Variants in GRK5 observed in about 807,000 individuals in gnomAD.
GRK5 encodes the protein g protein-coupled receptor kinase GRK5.
Under a neutral mutation model 78.4 loss-of-function variants are expected in GRK5, and 40 were observed. The ratio of observed to expected loss-of-function variants is 0.51; its 90% CI spans 0.40 to 0.66. The LOEUF (loss-of-function observed/expected upper bound fraction) is 0.66, where lower values mean the gene tolerates loss of function less well. Among genes scored for constraint, GRK5 ranks in the 30% least tolerant of loss-of-function variants. The pLI is 0.00. For missense variants in GRK5, 598 were observed against 759.9 expected, an observed-to-expected ratio of 0.79 and a Z score of 2.50; for synonymous variants, 289 against 296.8, an observed-to-expected ratio of 0.97 and a Z score of 0.27.
intron 1 of GRK5, among the ~76,000 whole-genome samples, chr10:119,317,170 C>T (rs1366711767): frequency 6.6e-6 from 1 of 152,094 alleles, no homozygotes; most frequent in Non-Finnish European, 1.5e-5. Flanking sequence ...AGGAGTCTGC[C>T]CCAGAGGAGT....
chr10:119,302,593 C>G (rs895236051), intron 1 of GRK5, among the ~76,000 whole-genome samples: 2 of 152,228 alleles, frequency 1.3e-5, no homozygotes, highest in Non-Finnish European at 2.9e-5. Flanking sequence ...ACCTGCTCCC[C>G]AGGGCACCTT....
intron 1 of GRK5, among the ~76,000 whole-genome samples, chr10:119,273,274 G>T (rs1457843487): frequency 6.6e-6 from 1 of 152,190 alleles, no homozygotes; most frequent in Non-Finnish European, 1.5e-5. Flanking sequence ...CTGTTCTGAG[G>T]CTGGTGGTGT....
intron 3 of GRK5, among the ~76,000 whole-genome samples, chr10:119,394,149 T>C (rs1253809578): frequency 2.6e-5 from 2 of 77,074 alleles, no homozygotes; most frequent in Non-Finnish European, 5.5e-5. Context: ...TGTGGGTATG[T>C]GTGTCTGTGT....
At chr10:119,334,565 G>A (rs971180177) in intron 2 of GRK5, 12 of 152,146 alleles carry the variant, frequency 7.9e-5, no homozygotes, top group Non-Finnish European at 1.5e-4. Context: ...TTGGAAGGCT[G>A]GAATGTCATC....
intron 2 of GRK5, among the ~76,000 whole-genome samples, chr10:119,359,823 C>T (rs1441489155): frequency 6.6e-6 from 1 of 152,094 alleles, no homozygotes; most frequent in African/African-American, 2.4e-5. Context: ...CAGTGATGTT[C>T]CCGGGGGGGA....
chr10:119,397,164 G>A (rs1394700252), intron 4 of GRK5, among the ~76,000 whole-genome samples: 1 of 152,242 alleles, frequency 6.6e-6, no homozygotes, highest in Non-Finnish European at 1.5e-5. Context: ...GGAAGTGTTG[G>A]GGGTTGACTG....
intron 2 of GRK5, among the ~76,000 whole-genome samples, chr10:119,364,122 G>T (rs370931268): frequency 6.6e-6 from 1 of 152,154 alleles, no homozygotes; most frequent in Non-Finnish European, 1.5e-5. Context: ...AGTGTAGGGC[G>T]CAAAGCAGGG....
In GRK5 at chr10:119,448,096, G is replaced by T. The variant is rs764501921; in HGVS notation, c.1267-27G>T. The T allele has an allele frequency of 3.3e-6, 5 of 1,518,848 alleles. No homozygotes were observed. The South Asian group carries it at 5.2e-5, about 16-fold the overall frequency. The allele number at this position is 1,518,848 out of a possible 1,614,324, so 94.1% of individuals were successfully genotyped here. A position where few individuals can be genotyped will look rare whatever the true frequency, so the allele number is the denominator to read the frequency against. On this transcript the variant is annotated intron_variant, in intron 12 of 15. Transcript: ENST00000392870. ...GGACAGGAGGAGAGGCCCAGGGGAC[G>T]TGGCTTCATGGGGCTCTCTGTTTCA...
At chr10:119,215,611 T>C (rs1848558760) in intron 1 of GRK5, among the ~76,000 whole-genome samples, 1 of 142,134 alleles carries the variant, frequency 7.0e-6, no homozygotes, top group African/African-American at 2.6e-5. Flanking sequence ...GAAATTCAGG[T>C]CAGGGACAAT....
chr10:119,420,572 C>CT lies in GRK5; in HGVS notation c.340-2582dup, dbSNP rs534550170. Among the ~76,000 whole-genome samples the CT allele has an allele frequency of 4.4e-3, 637 of 143,270 alleles. 3 individuals are homozygous for CT. Among genetic ancestry groups the CT allele is most frequent in the African/African-American group, 0.013 (508 of 39,340 alleles). 94.0% of individuals were successfully genotyped at this position (143,270 alleles called of 152,430 possible). ...TTTTTTCTTTTTTTTCTTTTTCTTTCTTTTTTTTTTTTCTTTTTTCTTTTG... is the reference window on the plus strand; with the variant it reads ...TTTTTTCTTTTTTTTCTTTTTCTTTCTTTTTTTTTTTTTCTTTTTTCTTTTG... On this transcript the variant is annotated intron_variant, in intron 4 of 15. Coordinates refer to ENST00000392870, the MANE Select transcript of GRK5 (RefSeq NM_005308.3).
intron 1 of GRK5, among the ~76,000 whole-genome samples, chr10:119,247,097 C>T (rs185760943): frequency 8.7e-4 from 132 of 152,282 alleles, no homozygotes; most frequent in African/African-American, 1.6e-3. Flanking sequence ...GCCTGGAGCT[C>T]GGCATCTGAG....
At chr10:119,257,880 C>T (rs546441993) in intron 1 of GRK5, among the ~76,000 whole-genome samples, 2 of 152,314 alleles carry the variant, frequency 1.3e-5, no homozygotes, top group South Asian at 4.1e-4. Context: ...CACAGCTAGT[C>T]TAAGATCATG....
chr10:119,353,816 G>A (rs1851219960), intron 2 of GRK5, among the ~76,000 whole-genome samples: 1 of 152,142 alleles, frequency 6.6e-6, no homozygotes, highest in East Asian at 1.9e-4. Context: ...GATTGATGCT[G>A]CAGGTGCTGT....
rs894799044 is a variant in GRK5 at position 119,445,174 on chromosome 10, G to A, written c.1266+1422G>A. ...CAGCCAGGGCTAGGGTGGGGGGACC[G>A]GAGGAGCAGTGCAGCACTGGTCGGG... On this transcript the variant is annotated intron_variant, in intron 12 of 15. Transcript: ENST00000392870. The surrounding 1 kb of genome is among the most constrained non-coding windows in gnomAD (Gnocchi z 4.1). 5.9e-5 allele frequency among the ~76,000 whole-genome samples: 9 copies of A among 152,206 alleles called. No homozygotes were observed. The highest frequency in any genetic ancestry group is 1.2e-4 in the African/African-American group (5 of 41,452).
chr10:119,337,786 A>G (rs951702366), intron 2 of GRK5, among the ~76,000 whole-genome samples: 16 of 151,726 alleles, frequency 1.1e-4, no homozygotes, highest in African/African-American at 3.9e-4. Context: ...TGCCCGGCTA[A>G]TTTTTTTTAT....
chr10:119,313,068 GTGA>G (rs1278084783), intron 1 of GRK5, among the ~76,000 whole-genome samples: 2 of 144,848 alleles, frequency 1.4e-5, no homozygotes, highest in Non-Finnish European at 3.0e-5. Context: ...GATGGTGGTG[GTGA>G]TGGTGGTGGT....
intron 2 of GRK5, among the ~76,000 whole-genome samples, chr10:119,334,241 G>A (rs1436337720): frequency 2.6e-5 from 4 of 152,216 alleles, no homozygotes; most frequent in Non-Finnish European, 5.9e-5. Context: ...AGGAGTCCGA[G>A]GATACAGTGA....
chr10:119,367,468 A>G (rs1851466942), intron 2 of GRK5, among the ~76,000 whole-genome samples: 1 of 152,192 alleles, frequency 6.6e-6, no homozygotes, highest in Non-Finnish European at 1.5e-5. Context: ...AAAGACCCAG[A>G]TTGGGTCCCA....
Position 119,378,491 on chromosome 10 carries a change from A to G in GRK5, c.149-2324A>G, listed in dbSNP as rs977992148. ...ACTTAGACCGGGCGAATTCCTCCCA[A>G]AAAAACCTTGCCCTCAGGTAGGTTA... On this transcript the variant is annotated intron_variant, in intron 2 of 15. Coordinates refer to ENST00000392870, the MANE Select transcript of GRK5 (RefSeq NM_005308.3). The surrounding 1 kb of genome is among the most constrained non-coding windows in gnomAD (Gnocchi z 4.5). 5.3e-5 allele frequency among the ~76,000 whole-genome samples: 8 copies of G among 152,202 alleles called. No individual in the cohort carries two copies. The highest frequency in any genetic ancestry group is 1.9e-4 in the African/African-American group (8 of 41,464).
Sources: allele counts gnomAD v4.1 joint callset (sites outside exome capture counted in the v4.1 genomes callset), GRCh38; gene constraint gnomAD v4.1.1; non-coding constraint Gnocchi (gnomAD v3.1); transcripts MANE v1.5; gene names NCBI Gene and HGNC (gene_info 2026-07-23, HGNC 2026-07-21).